The following FOXP2 variants were observed in gnomAD, a reference collection of about 807,000 sequenced individuals.
FOXP2 encodes forkhead box P2.
Under a neutral mutation model 115.8 loss-of-function variants are expected in FOXP2, and 12 were observed. The observed-to-expected ratio is 0.10, with a 90% confidence interval of 0.07 to 0.17. FOXP2 has a LOEUF of 0.17. Ranked by LOEUF, FOXP2 falls within the 10% of genes least tolerant of loss-of-function variation. The pLI, the probability that FOXP2 is intolerant of heterozygous loss-of-function variation, is 1.00. For synonymous variants in FOXP2, 328 were observed against 297.7 expected (o/e 1.10, Z -1.05); for missense variants, 629 against 843.5 (o/e 0.75, Z 3.15).
chr7:114,284,154 G>T (rs886568890), intron 1 of FOXP2, among the ~76,000 whole-genome samples: 3 of 152,024 alleles, frequency 2.0e-5, no homozygotes, highest in Non-Finnish European at 4.4e-5. Context: ...GAAGAAATTA[G>T]AAAAGGGAAT....
intron 2 of FOXP2, among the ~76,000 whole-genome samples, chr7:114,518,917 T>G (rs188481208): frequency 3.3e-4 from 50 of 152,316 alleles, no homozygotes; most frequent in African/African-American, 1.1e-3. Flanking sequence ...AATATCATAC[T>G]GTTATTTGTC....
intron 2 of FOXP2, among the ~76,000 whole-genome samples, chr7:114,492,553 C>T (rs899849345): frequency 3.3e-5 from 5 of 151,980 alleles, no homozygotes; most frequent in African/African-American, 9.7e-5. Context: ...GCATTTAGTT[C>T]TATAAATTTC....
chr7:114,612,274 A>T (rs2129318645), intron 3 of FOXP2, among the ~76,000 whole-genome samples: 1 of 152,144 alleles, frequency 6.6e-6, no homozygotes, highest in Admixed American at 6.6e-5. Flanking sequence ...TTGATGGAAG[A>T]GCAACACAGG....
chr7:114,171,618 T>C (rs1198223092), intron 1 of FOXP2, among the ~76,000 whole-genome samples: 1 of 152,144 alleles, frequency 6.6e-6, no homozygotes, highest in Non-Finnish European at 1.5e-5. Flanking sequence ...AGAGCTCCAA[T>C]GGAGATGTTC....
intron 2 of FOXP2, among the ~76,000 whole-genome samples, chr7:114,370,976 G>A (rs547010624): frequency 1.3e-5 from 2 of 152,148 alleles, no homozygotes; most frequent in African/African-American, 4.8e-5. Flanking sequence ...AAAGTGCATT[G>A]TTTTGCTTAT....
chr7:114,106,948 T>C (rs1791134284), intron 1 of FOXP2, among the ~76,000 whole-genome samples: 1 of 152,060 alleles, frequency 6.6e-6, no homozygotes, highest in South Asian at 2.1e-4. Flanking sequence ...TCTGGAGAAA[T>C]ATGTTTTATA....
intron 2 of FOXP2, among the ~76,000 whole-genome samples, chr7:114,494,885 A>G (rs1484358553): frequency 6.6e-6 from 1 of 152,116 alleles, no homozygotes; most frequent in African/African-American, 2.4e-5. Flanking sequence ...CCATTTAACA[A>G]AGGCCATATC....
At chr7:114,497,474 C>A (rs1000694642) in intron 2 of FOXP2, among the ~76,000 whole-genome samples, 1 of 151,966 alleles carries the variant, frequency 6.6e-6, no homozygotes, top group Non-Finnish European at 1.5e-5. Flanking sequence ...ATGGCAAAAA[C>A]CCATTTCTAC....
chr7:114,578,936 A>G (rs1801705430), intron 3 of FOXP2, among the ~76,000 whole-genome samples: 2 of 152,176 alleles, frequency 1.3e-5, no homozygotes, highest in Non-Finnish European at 2.9e-5. Flanking sequence ...AGGACACTTA[A>G]AAAACATATA....
chr7:114,394,394 TAC>T (rs147854196), intron 2 of FOXP2, among the ~76,000 whole-genome samples: 2,681 of 146,312 alleles, frequency 0.018, 25 homozygotes, highest in Non-Finnish European at 0.026. Flanking sequence ...TATGAATCTA[TAC>T]ACACACACAC....
chr7:114,622,692 C>T (rs1192456831), intron 3 of FOXP2, among the ~76,000 whole-genome samples: 1 of 151,938 alleles, frequency 6.6e-6, no homozygotes, highest in Non-Finnish European at 1.5e-5. Flanking sequence ...TGTCTTTTAT[C>T]AGGACAGCTT....
chr7:114,655,232 G>A (rs1205267061), intron 10 of FOXP2, among the ~76,000 whole-genome samples: 3 of 152,036 alleles, frequency 2.0e-5, no homozygotes, highest in Admixed American at 6.6e-5. Context: ...TCACAAGACA[G>A]AATAATTGTC....
intron 1 of FOXP2, among the ~76,000 whole-genome samples, chr7:114,133,143 A>G (rs1791937306): frequency 6.6e-6 from 1 of 152,212 alleles, no homozygotes; most frequent in African/African-American, 2.4e-5. Context: ...TTCAGCCAAT[A>G]TGATTCCTTA....
chr7:114,439,255 A>G (rs1195391288), intron 2 of FOXP2, among the ~76,000 whole-genome samples: 1 of 152,098 alleles, frequency 6.6e-6, no homozygotes, highest in African/African-American at 2.4e-5. Flanking sequence ...AAATTTTATT[A>G]TTCTATTATG....
At chr7:114,393,619 G>A (rs1792664331) in intron 2 of FOXP2, among the ~76,000 whole-genome samples, 1 of 151,990 alleles carries the variant, frequency 6.6e-6, no homozygotes, top group Admixed American at 6.6e-5. Context: ...CATATCTCCA[G>A]AAGGGATACA....
upstream of FOXP2, chr7:114,087,640 C>G (rs1235292618): frequency 6.8e-6 from 1 of 147,014 alleles, no homozygotes; most frequent in Non-Finnish European, 1.5e-5. Context: ...GCGGCGGCGC[C>G]GGCGGCGCGG....
At chr7:114,179,970 A>G (rs1430787610) in intron 1 of FOXP2, among the ~76,000 whole-genome samples, 1 of 151,874 alleles carries the variant, frequency 6.6e-6, no homozygotes, top group East Asian at 1.9e-4. Context: ...CTCCTTTTCT[A>G]CAAGGTGGGG....
intron 1 of FOXP2, among the ~76,000 whole-genome samples, chr7:114,230,272 C>A (rs1794841706): frequency 6.6e-6 from 1 of 151,916 alleles, no homozygotes; most frequent in East Asian, 1.9e-4. Context: ...GACGGTTTCA[C>A]TGGTGAATTC....
At chr7:114,128,999 C>A (rs1040142866) in intron 1 of FOXP2, among the ~76,000 whole-genome samples, 1 of 152,092 alleles carries the variant, frequency 6.6e-6, no homozygotes, top group South Asian at 2.1e-4. Context: ...GGCTGCAATA[C>A]CTTGGATATC....
Sources: allele counts gnomAD v4.1 joint callset (sites outside exome capture counted in the v4.1 genomes callset), GRCh38; gene constraint gnomAD v4.1.1; transcripts MANE v1.5; gene names NCBI Gene and HGNC (gene_info 2026-07-23, HGNC 2026-07-21).